Variants in CNTNAP3B observed in about 807,000 individuals in gnomAD.
The protein encoded by CNTNAP3B is contactin associated protein family member 3B.
A neutral mutation model predicts 108.9 loss-of-function variants in CNTNAP3B; 25 were observed. The observed-to-expected ratio is 0.23, with a 90% CI of 0.17 to 0.32. The LOEUF (loss-of-function observed/expected upper bound fraction) is 0.32. CNTNAP3B is among the 10% of genes least tolerant of loss of function. CNTNAP3B has a pLI of 1.00. For missense variants in CNTNAP3B, 252 were observed against 1,210.4 expected (o/e 0.21, Z 11.75); for synonymous variants, 103 against 473.4 (o/e 0.22, Z 10.16).
chr9:42,114,922 C>T (rs191878790), intron 1 of CNTNAP3B, among the ~76,000 whole-genome samples: 2,838 of 134,698 alleles, frequency 0.021, 612 homozygotes, highest in African/African-American at 0.078. Context: ...GGCATGGTAG[C>T]GGGAACTTGC....
intron 15 of CNTNAP3B, among the ~76,000 whole-genome samples, chr9:41,927,899 T>G (rs1423798228): frequency 7.9e-6 from 1 of 126,774 alleles, no homozygotes; most frequent in Non-Finnish European, 1.7e-5. Flanking sequence ...ACAGAAAAAA[T>G]GTATGGGGGG....
At chr9:41,955,455 A>G (rs1824826591) in intron 12 of CNTNAP3B, among the ~76,000 whole-genome samples, 2 of 152,308 alleles carry the variant, frequency 1.3e-5, no homozygotes, top group Admixed American at 1.3e-4. Flanking sequence ...ATTGCTCATA[A>G]TTTATTTCAA....
Position 41,964,730 on chromosome 9 carries a change from G to T in CNTNAP3B, c.1650-86C>A, listed in dbSNP as rs75189647. On this transcript the variant is annotated intron_variant, in intron 10 of 23. Transcript: ENST00000377561. ...TACCAAAAACAGGTTAATGTGAAAG[G>T]CCAGCATACGCAAGATAACCCCACA... is the stretch of plus-strand genomic sequence containing the variant. 12 of 1,531,646 alleles carry T rather than the reference G, an allele frequency of 7.8e-6. No individual in the cohort carries two copies. In the African/African-American group the frequency reaches 1.5e-4, roughly 19 times the overall value. The allele number at this position is 1,531,646 out of a possible 1,614,324, so 94.9% of individuals were successfully genotyped here. A position where few individuals can be genotyped will look rare whatever the true frequency, so the allele number is the denominator to read the frequency against.
intron 12 of CNTNAP3B, among the ~76,000 whole-genome samples, chr9:41,954,850 A>AT (rs1426613392): frequency 6.6e-6 from 1 of 152,302 alleles, no homozygotes; most frequent in South Asian, 2.1e-4. Flanking sequence ...CACCTGGCTA[A>AT]TTTTTGTATT....
At chr9:42,086,868 T>C (rs28737399) in intron 2 of CNTNAP3B, among the ~76,000 whole-genome samples, 16,504 of 75,580 alleles carry the variant, frequency 0.22, 2,207 homozygotes, top group East Asian at 0.46. Flanking sequence ...GTGGTGGCAC[T>C]ATTTACATTC....
chr9:41,925,618 G>T (rs1160968678), intron 15 of CNTNAP3B, among the ~76,000 whole-genome samples: 2 of 152,066 alleles, frequency 1.3e-5, no homozygotes, highest in African/African-American at 4.8e-5. Context: ...AACAAACCAA[G>T]AAATAGCTTT....
At chr9:42,030,788 T>G (rs1395285427) in intron 3 of CNTNAP3B, among the ~76,000 whole-genome samples, 2 of 32,932 alleles carry the variant, frequency 6.1e-5, no homozygotes, top group Non-Finnish European at 1.2e-4. Flanking sequence ...GAGAGAGATG[T>G]GTGCGAGAGA....
chr9:42,063,388 C>A (rs573653459), intron 3 of CNTNAP3B, among the ~76,000 whole-genome samples: 2 of 135,876 alleles, frequency 1.5e-5, no homozygotes, highest in Admixed American at 7.4e-5. Flanking sequence ...TCTTCCCTGG[C>A]CTGTAAGGTT....
At chr9:41,955,147 G>A (rs1299583648) in intron 12 of CNTNAP3B, among the ~76,000 whole-genome samples, 11 of 144,202 alleles carry the variant, frequency 7.6e-5, no homozygotes, top group African/African-American at 2.6e-4. Context: ...ATGTGTTCAT[G>A]ATTTCTTGTA....
At chr9:41,939,524 G>T (rs1462696664) in intron 13 of CNTNAP3B, among the ~76,000 whole-genome samples, 2 of 152,252 alleles carry the variant, frequency 1.3e-5, no homozygotes, top group Admixed American at 6.5e-5. Flanking sequence ...ACGAAAAAAA[G>T]GCAATCTGGG....
At chr9:41,924,785 A>G (rs1183536691) in intron 15 of CNTNAP3B, among the ~76,000 whole-genome samples, 4 of 152,352 alleles carry the variant, frequency 2.6e-5, no homozygotes, top group African/African-American at 9.6e-5. Context: ...TGCACATCAC[A>G]TGTATTACTC....
In CNTNAP3B at chr9:42,117,703, C is replaced by CA. The variant is rs776613935; in HGVS notation, c.85+11306dup. ...AGCAGAACTGAAGGAAATAGAGACA[C>CA]AAAAAAACCCTTCAAAAAATCAATG... On this transcript the variant is annotated intron_variant, in intron 1 of 23. Transcript: ENST00000377561. 5.3e-3 allele frequency among the ~76,000 whole-genome samples: 717 copies of CA among 134,434 alleles called. 57 individuals are homozygous for CA. Among genetic ancestry groups the CA allele is most frequent in the Non-Finnish European group, 7.4e-3 (471 of 63,484 alleles). 88.2% of individuals were successfully genotyped at this position (134,434 alleles called of 152,430 possible).
rs1429417844 is a variant in CNTNAP3B at position 42,116,319 on chromosome 9, G to A, written c.86-11580C>T. Among the ~76,000 whole-genome samples, 691 of 129,944 alleles carry A rather than the reference G, an allele frequency of 5.3e-3. 78 individuals carry two copies. The highest frequency in any genetic ancestry group is 7.3e-3 in the Non-Finnish European group (452 of 61,968). The allele number at this position is 129,944 out of a possible 152,430, so 85.2% of individuals were successfully genotyped here. ...AGGGAAGCCCATCAGACTAACAGCG[G>A]ATCTCTCGGCAGAAACTCTACAAGC... is the stretch of plus-strand genomic sequence containing the variant. On this transcript the variant is annotated intron_variant, in intron 1 of 23. Coordinates refer to ENST00000377561, the MANE Select transcript of CNTNAP3B (RefSeq NM_001201380.3).
intron 2 of CNTNAP3B, among the ~76,000 whole-genome samples, chr9:42,090,571 A>G: frequency 7.5e-6 from 1 of 133,050 alleles, no homozygotes; most frequent in Non-Finnish European, 1.6e-5. Context: ...CTATACCTAT[A>G]TGTCAGTATA....
intron 12 of CNTNAP3B, among the ~76,000 whole-genome samples, chr9:41,957,935 T>C (rs1391673905): frequency 1.4e-4 from 22 of 151,798 alleles, no homozygotes; most frequent in Non-Finnish European, 2.5e-4. Context: ...TAATTTTGTT[T>C]GTATTTTTAG....
At chr9:41,940,053 C>T (rs1241140606) in intron 13 of CNTNAP3B, among the ~76,000 whole-genome samples, 35 of 152,384 alleles carry the variant, frequency 2.3e-4, no homozygotes, top group African/African-American at 8.4e-4. Flanking sequence ...GAGGACCCAC[C>T]AATAGGCTTT....
At chr9:42,024,684 A>G (rs370167615) in intron 3 of CNTNAP3B, among the ~76,000 whole-genome samples, 4,719 of 110,414 alleles carry the variant, frequency 0.043, 24 homozygotes, top group Non-Finnish European at 0.064. Context: ...AAAAAAAAAA[A>G]GAAAAAAAAA....
chr9:42,024,839 C>A (rs1263961879), intron 3 of CNTNAP3B, among the ~76,000 whole-genome samples: 3 of 144,644 alleles, frequency 2.1e-5, no homozygotes, highest in African/African-American at 2.6e-5. Flanking sequence ...GGAGAAAAAT[C>A]TCCTAGAGAA....
intron 4 of CNTNAP3B, among the ~76,000 whole-genome samples, chr9:42,004,573 CA>C (rs1420281737): frequency 7.1e-4 from 28 of 39,348 alleles, no homozygotes; most frequent in African/African-American, 2.0e-3. Flanking sequence ...AGAAGAATGC[CA>C]AATTGTTTTC....
Sources: gnomAD v4.1 joint callset for allele counts (sites outside exome capture counted in the v4.1 genomes callset) on GRCh38, gnomAD v4.1.1 for gene constraint, MANE v1.5 for transcripts, NCBI Gene and HGNC (gene_info 2026-07-23, HGNC 2026-07-21) for gene names.